NLGN4X: variants seen among roughly 807,000 people sequenced by gnomAD.
NLGN4X encodes neuroligin 4 X-linked, also known as neuroligin-4, X-linked.
NLGN4X carries 3 observed loss-of-function variants against 40.3 expected under a neutral mutation model. That is an observed-to-expected ratio of 0.07 (90% CI 0.03 to 0.19). The LOEUF is 0.19. NLGN4X is among the 10% of genes least tolerant of loss of function. NLGN4X has a pLI of 1.00. For synonymous variants in NLGN4X, 270 were observed against 306.8 expected, an observed-to-expected ratio of 0.88 and a Z score of 1.25; for missense variants, 382 against 708.3, an observed-to-expected ratio of 0.54 and a Z score of 5.23.
intron 1 of NLGN4X, among the ~76,000 whole-genome samples, chrX:6,214,003 G>A (rs1341005004): frequency 8.9e-6 from 1 of 111,884 alleles, no homozygotes; most frequent in African/African-American, 3.3e-5. Flanking sequence ...ATGGGGAGTT[G>A]TAAAAACCAA....
At chrX:6,145,024 C>T (rs1378210817) in intron 2 of NLGN4X, among the ~76,000 whole-genome samples, 1 of 111,342 alleles carries the variant, frequency 9.0e-6, no homozygotes, top group African/African-American at 3.3e-5. Flanking sequence ...CTCACAATCT[C>T]AGCCTCTAAG....
In NLGN4X at chrX:6,143,837, A is replaced by T. The variant is rs369163198; in HGVS notation, c.472+7158T>A. Among the ~76,000 whole-genome samples, 29 of 112,367 alleles carry T rather than the reference A, an allele frequency of 2.6e-4. No homozygotes were observed. In the East Asian group the frequency reaches 4.5e-3, roughly 18 times the overall value. Reference sequence around the variant, plus strand: ...CCAACTCTTTAAAAATTTAAAAACTAGCCAGTCATGGTGGCTGAAAATTGT... The same window carrying T: ...CCAACTCTTTAAAAATTTAAAAACTTGCCAGTCATGGTGGCTGAAAATTGT... On this transcript the variant is annotated intron_variant, in intron 2 of 5. Transcript: ENST00000381095.
At chrX:6,110,339 A>G (rs2039120548) in intron 2 of NLGN4X, among the ~76,000 whole-genome samples, 1 of 110,587 alleles carries the variant, frequency 9.0e-6, no homozygotes, top group African/African-American at 3.3e-5. Flanking sequence ...TATCCACAAG[A>G]GGCTCCCACT....
intron 3 of NLGN4X, among the ~76,000 whole-genome samples, chrX:5,945,656 G>A (rs903981729): frequency 1.8e-5 from 2 of 111,252 alleles, no homozygotes; most frequent in Non-Finnish European, 3.8e-5. Flanking sequence ...AGATTCTAAG[G>A]ATAATGGCCT....
intron 1 of NLGN4X, among the ~76,000 whole-genome samples, chrX:6,163,676 T>C (rs765482975): frequency 8.9e-6 from 1 of 112,147 alleles, no homozygotes; most frequent in South Asian, 3.8e-4. Flanking sequence ...AGAGGACTTC[T>C]GTAAAGACAG....
intron 2 of NLGN4X, among the ~76,000 whole-genome samples, chrX:6,098,062 G>A (rs372154768): frequency 3.5e-4 from 40 of 112,882 alleles, no homozygotes; most frequent in East Asian, 5.6e-4. Flanking sequence ...GGCCCAGGCC[G>A]GAGGATCGCT....
In NLGN4X at chrX:5,984,644, A is replaced by C. The variant is rs111810945; in HGVS notation, c.625+44636T>G. 8.9e-3 allele frequency among the ~76,000 whole-genome samples: 1,003 copies of C among 112,315 alleles called. 10 individuals carry two copies. The highest frequency in any genetic ancestry group is 0.031 in the African/African-American group (968 of 30,967). On this transcript the variant is annotated intron_variant, in intron 3 of 5. Coordinates refer to ENST00000381095, the MANE Select transcript of NLGN4X (RefSeq NM_181332.3). ...GGGATATAGACAAACTATCTGCAGA[A>C]AATATATTATTTTTAAAGGAGCAAC... is the stretch of plus-strand genomic sequence containing the variant.
intron 1 of NLGN4X, among the ~76,000 whole-genome samples, chrX:6,204,022 G>A (rs1207848848): frequency 1.8e-5 from 2 of 112,215 alleles, no homozygotes; most frequent in African/African-American, 3.2e-5. Flanking sequence ...CTTACTGAGA[G>A]TCTCCCTGGG....
intron 2 of NLGN4X, among the ~76,000 whole-genome samples, chrX:6,131,982 T>C (rs1164765619): frequency 1.8e-5 from 2 of 111,729 alleles, no homozygotes; most frequent in East Asian, 2.8e-4. Context: ...AGATGTCTAG[T>C]GGCATCCCTT....
Position 6,202,000 on chromosome X carries a change from A to G in NLGN4X, c.-306+26541T>C, listed in dbSNP as rs781064899. ...GAGCGACAGTAACTGCAAAGGCAGG[A>G]GGAACAGACAATCAGAAAAGTCAGT... On this transcript the variant is annotated intron_variant, in intron 1 of 5. Transcript: ENST00000381095. 4.5e-5 allele frequency among the ~76,000 whole-genome samples: 5 copies of G among 111,920 alleles called. No homozygotes were observed. In the South Asian group the frequency reaches 1.5e-3, roughly 34 times the overall value.
intron 1 of NLGN4X, among the ~76,000 whole-genome samples, chrX:6,220,551 G>A (rs911900070): frequency 9.4e-6 from 1 of 106,145 alleles, no homozygotes; most frequent in African/African-American, 3.4e-5. Flanking sequence ...AAACATAGGC[G>A]GTAACACCTT....
chrX:6,105,669 G>A (rs2039017549), intron 2 of NLGN4X, among the ~76,000 whole-genome samples: 1 of 111,575 alleles, frequency 9.0e-6, no homozygotes, highest in East Asian at 2.8e-4. Flanking sequence ...CAGGAGTTTA[G>A]CTGGCAAACT....
At chrX:5,916,011 C>T (rs745581982) in intron 3 of NLGN4X, among the ~76,000 whole-genome samples, 1 of 111,610 alleles carries the variant, frequency 9.0e-6, no homozygotes, top group East Asian at 2.8e-4. Context: ...ACTACAGTTC[C>T]CCAGGACCTG....
At chrX:6,111,636 C>A (rs1433410714) in intron 2 of NLGN4X, among the ~76,000 whole-genome samples, 2 of 111,345 alleles carry the variant, frequency 1.8e-5, no homozygotes, top group Non-Finnish European at 3.8e-5. Context: ...GTCCCAGCTA[C>A]TCAGGAGGCT....
At chrX:6,202,067 G>A (rs1923670384) in intron 1 of NLGN4X, among the ~76,000 whole-genome samples, 1 of 110,756 alleles carries the variant, frequency 9.0e-6, no homozygotes, top group African/African-American at 3.3e-5. Flanking sequence ...GAATAGATTT[G>A]AGGAAGGAGA....
At position 6,124,688 on chromosome X, in the gene NLGN4X, C is replaced by G. The variant is rs752213478; in HGVS notation, c.472+26307G>C. Among the ~76,000 whole-genome samples, 10 of 111,452 alleles carry G rather than the reference C, an allele frequency of 9.0e-5. No individual in the cohort carries two copies. In the East Asian group the frequency reaches 2.9e-3, roughly 32 times the overall value. ...CAGAGCGAGACTCTGTCCCTAGCCCCACCCACCAAAACAAATAAGATATAG... is the reference window on the plus strand; with the variant it reads ...CAGAGCGAGACTCTGTCCCTAGCCCGACCCACCAAAACAAATAAGATATAG... On this transcript the variant is annotated intron_variant, in intron 2 of 5. Coordinates refer to ENST00000381095, the MANE Select transcript of NLGN4X (RefSeq NM_181332.3).
chrX:5,951,541 G>A (rs775118543), intron 3 of NLGN4X, among the ~76,000 whole-genome samples: 8 of 109,993 alleles, frequency 7.3e-5, no homozygotes, highest in Non-Finnish European at 1.3e-4. Context: ...TACCTCTTTT[G>A]GCTGCTAAAA....
intron 3 of NLGN4X, among the ~76,000 whole-genome samples, chrX:5,931,797 T>C (rs2033553940): frequency 9.0e-6 from 1 of 111,656 alleles, no homozygotes; most frequent in African/African-American, 3.3e-5. Context: ...CAGTAAGCTA[T>C]AAGCCATCCC....
chrX:6,068,294 T>A (rs371412955), intron 2 of NLGN4X, among the ~76,000 whole-genome samples: 1 of 111,765 alleles, frequency 8.9e-6, no homozygotes, highest in Non-Finnish European at 1.9e-5. Context: ...ATCTTGTTCA[T>A]AGGTTTGCCA....
Sources: allele counts gnomAD v4.1 joint callset (sites outside exome capture counted in the v4.1 genomes callset), GRCh38; gene constraint gnomAD v4.1.1; transcripts MANE v1.5; gene names NCBI Gene and HGNC (gene_info 2026-07-23, HGNC 2026-07-21).